Variants in GLI2 observed in about 807,000 individuals in gnomAD.
The protein encoded by GLI2 is transcription activator GLI2.
GLI2 carries 22 observed loss-of-function variants against 78.9 expected under a neutral mutation model. The ratio of observed to expected loss-of-function variants is 0.28; its 90% CI spans 0.20 to 0.40. The LOEUF (loss-of-function observed/expected upper bound fraction) is 0.40, where lower values mean the gene tolerates loss of function less well. Ranked by LOEUF, GLI2 falls within the 10% of genes least tolerant of loss-of-function variation. The pLI is 1.00. For synonymous variants in GLI2, 974 were observed against 963.7 expected (o/e 1.01, Z -0.20); for missense variants, 2,097 against 2,213.2 (o/e 0.95, Z 1.05).
intron 1 of GLI2, among the ~76,000 whole-genome samples, chr2:120,750,542 GACAATT>G (rs1278035293): frequency 8.5e-5 from 13 of 152,246 alleles, no homozygotes; most frequent in Admixed American, 8.5e-4. Flanking sequence ...GTTAGTATGA[GACAATT>G]ACCTGGCGCA....
rs751175767 is a variant in GLI2, at chr2:120,767,070, G to A, written c.-30-30221G>A. Among the ~76,000 whole-genome samples the A allele has an allele frequency of 2.6e-5, 4 of 152,188 alleles. No individual in the cohort carries two copies. The South Asian group carries it at 6.2e-4, about 24-fold the overall frequency. On this transcript the variant is annotated intron_variant, in intron 1 of 13. Transcript: ENST00000361492. ...TGTGGCTTTTGCAAATGTGAAGTGC[G>A]AAATTGCCGGGAAGGCCCGACAGAC...
intron 2 of GLI2, among the ~76,000 whole-genome samples, chr2:120,808,808 G>A (rs1372499541): frequency 6.6e-6 from 1 of 152,192 alleles, no homozygotes; most frequent in African/African-American, 2.4e-5. Context: ...GGCCTGGCAT[G>A]TGGGCAGCGG....
In GLI2 at chr2:120,982,697, C is replaced by T. The variant is rs375020872; in HGVS notation, c.1468-19C>T. On this transcript the variant is annotated intron_variant, in intron 10 of 13. Coordinates refer to ENST00000361492, the MANE Select transcript of GLI2 (RefSeq NM_001374353.1). ...GGGCCCCCTGGGGTGCCTTGACTGACTGAACCGCCTCCTTCTAGTTCGAGG... is the reference window on the plus strand; with the variant it reads ...GGGCCCCCTGGGGTGCCTTGACTGATTGAACCGCCTCCTTCTAGTTCGAGG... 1.2e-6 allele frequency: 2 copies of T among 1,602,032 alleles called. No homozygotes were observed. Among genetic ancestry groups the T allele is most frequent in the African/African-American group, 2.7e-5 (2 of 74,758 alleles).
chr2:120,881,348 T>C (rs561544007), intron 2 of GLI2, among the ~76,000 whole-genome samples: 26 of 129,044 alleles, frequency 2.0e-4, no homozygotes, highest in African/African-American at 6.8e-4. Context: ...GGGAGGAGGA[T>C]GGGTGGAGAA....
chr2:120,880,556 A>G (rs1443340378), intron 2 of GLI2, among the ~76,000 whole-genome samples: 6 of 152,068 alleles, frequency 3.9e-5, no homozygotes, highest in South Asian at 4.2e-4. Flanking sequence ...ACCAGGTCAC[A>G]TCTGTGGTCA....
intron 7 of GLI2, 23 bp from the exon 8 acceptor site, chr2:120,971,918 C>T (rs776134346): frequency 6.2e-7 from 1 of 1,612,708 alleles, no homozygotes; most frequent in Non-Finnish European, 8.5e-7. Flanking sequence ...GAGTAACAGA[C>T]TGTCCTCTGC....
At chr2:120,852,105 G>T (rs1687432836) in intron 2 of GLI2, among the ~76,000 whole-genome samples, 1 of 152,198 alleles carries the variant, frequency 6.6e-6, no homozygotes, top group South Asian at 2.1e-4. Flanking sequence ...GAAGTCCCAG[G>T]CCCAGAGTGA....
intron 2 of GLI2, among the ~76,000 whole-genome samples, chr2:120,907,686 TG>T (rs1399807095): frequency 1.3e-5 from 2 of 152,204 alleles, no homozygotes; most frequent in African/African-American, 2.4e-5. Context: ...AGTTCCTCAC[TG>T]TGTGGTCTTG....
chr2:120,857,005 G>A (rs1021158442), intron 2 of GLI2, among the ~76,000 whole-genome samples: 1 of 152,148 alleles, frequency 6.6e-6, no homozygotes, highest in African/African-American at 2.4e-5. Context: ...ATGGAAGATG[G>A]GGTGGAGGGA....
At position 120,944,833 on chromosome 2, in the gene GLI2, C is replaced by T. The variant is rs549789544; in HGVS notation, c.255-6410C>T. ...TTGCAGGCTTGCTGGATGTATTGCACGTAGTAGGCGTTCTGCAAATGCTGA... is the reference window on the plus strand; with the variant it reads ...TTGCAGGCTTGCTGGATGTATTGCATGTAGTAGGCGTTCTGCAAATGCTGA... On this transcript the variant is annotated intron_variant, in intron 3 of 13. Coordinates refer to ENST00000361492, the MANE Select transcript of GLI2 (RefSeq NM_001374353.1). Among the ~76,000 whole-genome samples, 12 of 152,356 alleles carry T rather than the reference C, an allele frequency of 7.9e-5. No homozygotes were observed. The South Asian group carries it at 2.1e-3, about 26-fold the overall frequency.
At chr2:120,968,173 G>A (rs967102125) in intron 5 of GLI2, among the ~76,000 whole-genome samples, 5 of 152,210 alleles carry the variant, frequency 3.3e-5, no homozygotes, top group African/African-American at 1.2e-4. Context: ...ATATGAAAGA[G>A]TATTTAAAAA....
intron 2 of GLI2, among the ~76,000 whole-genome samples, chr2:120,914,939 C>G (rs1317155940): frequency 6.6e-6 from 1 of 152,226 alleles, no homozygotes; most frequent in East Asian, 1.9e-4. Context: ...TGTGGCCTGT[C>G]TCCTGTCACT....
intron 1 of GLI2, among the ~76,000 whole-genome samples, chr2:120,761,975 A>G (rs538934914): frequency 7.9e-5 from 12 of 152,234 alleles, no homozygotes; most frequent in Non-Finnish European, 1.8e-4. Flanking sequence ...AGGCAAAAGT[A>G]CAGAGTGAGT....
intron 1 of GLI2, among the ~76,000 whole-genome samples, chr2:120,789,908 G>A (rs907516105): frequency 9.9e-5 from 15 of 152,252 alleles, no homozygotes; most frequent in Admixed American, 2.6e-4. Context: ...AGTAGGAGTA[G>A]CTGCTGTGAA....
chr2:120,989,944 C>T lies in GLI2; in HGVS notation c.3979C>T (p.Leu1327=), dbSNP rs149290823. Residue 1327 remains leucine (L), a synonymous_variant, in exon 14 of 14, where the codon CTG becomes TTG. Coordinates refer to ENST00000361492, the MANE Select transcript of GLI2 (RefSeq NM_001374353.1). ...GGGCTACCACCAGGTCCCCAGCCTT[C>T]TGCCTGCCCGCCAGCCTGGCTTCAT... ...QEGYHQVPSL[L]PARQPGFMEP... is the part of the protein sequence containing the mutation. 1,274 of 1,611,362 alleles carry T rather than the reference C, an allele frequency of 7.9e-4. 3 individuals are homozygous for T. The highest frequency in any genetic ancestry group is 8.4e-4 in the South Asian group (76 of 90,744).
At chr2:120,866,480 T>C (rs1053454181) in intron 2 of GLI2, 2 of 152,298 alleles carry the variant, frequency 1.3e-5, no homozygotes, top group Non-Finnish European at 2.9e-5. Context: ...GTTTTTCATA[T>C]TCTTGATGCC....
intron 1 of GLI2, among the ~76,000 whole-genome samples, chr2:120,782,851 T>C (rs997147928): frequency 6.6e-6 from 1 of 152,190 alleles, no homozygotes; most frequent in Non-Finnish European, 1.5e-5. Context: ...TCACTCCCGG[T>C]TGAGAACTGC....
intron 2 of GLI2, among the ~76,000 whole-genome samples, chr2:120,827,771 T>G (rs1686158702): frequency 6.6e-6 from 1 of 152,182 alleles, no homozygotes; most frequent in Non-Finnish European, 1.5e-5. Flanking sequence ...GTGAAATAAG[T>G]CAGTCACAAA....
In GLI2 at chr2:120,990,119, C is replaced by A; in HGVS notation, c.4154C>A (p.Ala1385Asp). Residue 1385 changes from alanine (A) to aspartate (D), a missense_variant, in exon 14 of 14, where the codon GCC (alanine) becomes GAC (aspartate). Transcript: ENST00000361492. ...GCCTACGCCAGGGCCACAGGCCATG[C>A]CATGGCTGCCATGCCGTCCAGTCAG... ...QLAYARATGH[A>D]MAAMPSSQET... is the part of the protein sequence containing the mutation. The A allele has an allele frequency of 6.2e-7, 1 of 1,603,678 alleles. No homozygotes were observed.
Sources: allele counts gnomAD v4.1 joint callset (sites outside exome capture counted in the v4.1 genomes callset), GRCh38; gene constraint gnomAD v4.1.1; transcripts MANE v1.5; gene names NCBI Gene and HGNC (gene_info 2026-07-23, HGNC 2026-07-21).